SLC5A4: variants seen among roughly 807,000 people sequenced by gnomAD.
SLC5A4 encodes the protein probable glucose sensor protein SLC5A4.
SLC5A4 carries 55 observed loss-of-function variants against 70.3 expected under a neutral mutation model. The observed-to-expected ratio is 0.78, with a 90% confidence interval of 0.63 to 0.98. The LOEUF is 0.98. Among genes scored for constraint, SLC5A4 ranks in the 50% least tolerant of loss-of-function variants. SLC5A4 has a pLI of 0.00. For synonymous variants in SLC5A4, 268 were observed against 305.7 expected (o/e 0.88, Z 1.29); for missense variants, 735 against 839.2 (o/e 0.88, Z 1.53).
chr22:32,330,217 G>A, the SLC5A4 span, among the ~76,000 whole-genome samples: 36 of 91,604 alleles, frequency 3.9e-4, 3 homozygotes, highest in South Asian at 8.3e-4. Flanking sequence ...TGTGTATTGC[G>A]GGCTCTGGTG....
At chr22:32,307,467 A>G in the SLC5A4 span, among the ~76,000 whole-genome samples, 1 of 152,166 alleles carries the variant, frequency 6.6e-6, no homozygotes, top group Non-Finnish European at 1.5e-5. Context: ...TATAGCAGGA[A>G]TGGTTCCCAG....
intron 7 of SLC5A4, among the ~76,000 whole-genome samples, chr22:32,235,581 TATATTTTGCCTGTTACA>T (rs1488941836): frequency 1.3e-5 from 2 of 152,096 alleles, no homozygotes; most frequent in African/African-American, 4.8e-5. Context: ...GGTGCAACAC[TATATTTTGCCTGTTACA>T]ATAAAAAATT....
At chr22:32,324,268 T>TGTATAC in the SLC5A4 span, among the ~76,000 whole-genome samples, 1 of 82,490 alleles carries the variant, frequency 1.2e-5, no homozygotes, top group African/African-American at 5.7e-5. Context: ...CACATATATG[T>TGTATAC]ATATATATAT....
the SLC5A4 span, among the ~76,000 whole-genome samples, chr22:32,262,344 A>G: frequency 1.3e-5 from 2 of 152,120 alleles, no homozygotes; most frequent in African/African-American, 4.8e-5. Context: ...CACCTCTGCC[A>G]GTCACAGCCA....
At chr22:32,250,793 A>G (rs539057618) in intron 3 of SLC5A4, among the ~76,000 whole-genome samples, 158 of 152,270 alleles carry the variant, frequency 1.0e-3, no homozygotes, top group African/African-American at 3.7e-3. Context: ...GGATGAGTTC[A>G]TGTCCTTTGC....
chr22:32,252,242 A>AG, intron 2 of SLC5A4, among the ~76,000 whole-genome samples: 1 of 151,850 alleles, frequency 6.6e-6, no homozygotes, highest in South Asian at 2.1e-4. Context: ...AAAAAAAAAA[A>AG]AAAAGAAAAT....
the SLC5A4 span, among the ~76,000 whole-genome samples, chr22:32,312,456 T>C: frequency 4.6e-5 from 7 of 151,996 alleles, no homozygotes; most frequent in Non-Finnish European, 1.0e-4. Context: ...CAAGGGAAGC[T>C]TCGGTTTTCA....
intron 3 of SLC5A4, 73 bp from the exon 4 acceptor site, chr22:32,248,875 C>A: frequency 1.0e-6 from 1 of 992,616 alleles, no homozygotes. Context: ...CTTCTATGAC[C>A]TCTGAGTCTG....
At chr22:32,270,656 T>C in the SLC5A4 span, 1 of 722,056 alleles carries the variant, frequency 1.4e-6, no homozygotes, top group Admixed American at 1.9e-5. Context: ...AACCACTACA[T>C]TGTCCAAGTG....
chr22:32,318,031 T>TC, the SLC5A4 span, among the ~76,000 whole-genome samples: 1 of 152,006 alleles, frequency 6.6e-6, no homozygotes, highest in African/African-American at 2.4e-5. Flanking sequence ...CTTTCACTCA[T>TC]CCTCACAGCA....
chr22:32,250,896 A>G (rs1603236016), intron 3 of SLC5A4, among the ~76,000 whole-genome samples: 1 of 151,986 alleles, frequency 6.6e-6, no homozygotes, highest in South Asian at 2.1e-4. Flanking sequence ...CATAAGTAGG[A>G]GTTGAACAAT....
the SLC5A4 span, among the ~76,000 whole-genome samples, chr22:32,298,771 A>G: frequency 9.5e-6 from 1 of 105,046 alleles, no homozygotes; most frequent in Non-Finnish European, 2.0e-5. Flanking sequence ...ACATTTTGGC[A>G]TGATTTTGCA....
intron 10 of SLC5A4, among the ~76,000 whole-genome samples, chr22:32,229,578 C>T (rs778391224): frequency 2.0e-5 from 3 of 151,958 alleles, no homozygotes; most frequent in Non-Finnish European, 4.4e-5. Context: ...TTACTTGTGC[C>T]ATCTAAAAAT....
At chr22:32,219,978 ACT>A (rs1924982491) in intron 14 of SLC5A4, among the ~76,000 whole-genome samples, 1 of 151,910 alleles carries the variant, frequency 6.6e-6, no homozygotes, top group Admixed American at 6.6e-5. Context: ...AAAAATGGAA[ACT>A]CTAAATAGTT....
the SLC5A4 span, among the ~76,000 whole-genome samples, chr22:32,260,496 C>A: frequency 6.7e-6 from 1 of 148,798 alleles, no homozygotes; most frequent in African/African-American, 2.5e-5. Flanking sequence ...AACCCAGCTG[C>A]CATTTTGGTG....
the SLC5A4 span, chr22:32,273,190 T>C: frequency 1.1e-5 from 4 of 372,776 alleles, no homozygotes; most frequent in Admixed American, 3.5e-5. Context: ...AATATATACT[T>C]TCTGGAAGAC....
chr22:32,245,338 C>T (rs1926758305), intron 5 of SLC5A4, among the ~76,000 whole-genome samples: 1 of 152,120 alleles, frequency 6.6e-6, no homozygotes. Flanking sequence ...AGACTCTGCA[C>T]AGCCACAGAC....
intron 5 of SLC5A4, among the ~76,000 whole-genome samples, chr22:32,239,563 T>TTTATATATAA (rs1926344773): frequency 2.3e-4 from 5 of 21,438 alleles, no homozygotes; most frequent in African/African-American, 1.2e-3. Context: ...TATATATATA[T>TTTATATATAA]ATATATTTAT....
intron 6 of SLC5A4, among the ~76,000 whole-genome samples, chr22:32,238,277 T>C (rs1050506614): frequency 4.6e-5 from 7 of 152,196 alleles, no homozygotes; most frequent in Admixed American, 2.0e-4. Flanking sequence ...ATAGCACATG[T>C]ATCCTGGTTT....
Sources: gnomAD v4.1 joint callset for allele counts (sites outside exome capture counted in the v4.1 genomes callset) on GRCh38, gnomAD v4.1.1 for gene constraint, MANE v1.5 for transcripts, NCBI Gene and HGNC (gene_info 2026-07-23, HGNC 2026-07-21) for gene names.